The following BANF2 variants were observed in gnomAD, a reference collection of about 807,000 sequenced individuals.
BANF2 encodes barrier-to-autointegration factor-like protein.
In BANF2, 4 loss-of-function variants were observed where a neutral mutation model predicts 8.0. The ratio of observed to expected loss-of-function variants is 0.50; its 90% CI spans 0.25 to 1.14. The LOEUF (loss-of-function observed/expected upper bound fraction) is 1.14, where lower values mean the gene tolerates loss of function less well. Ranked by LOEUF, BANF2 falls within the 50% of genes most tolerant of loss-of-function variation. The pLI, the probability that BANF2 is intolerant of heterozygous loss-of-function variation, is 0.16. For synonymous variants in BANF2, 50 were observed against 40.6 expected, an observed-to-expected ratio of 1.23 and a Z score of -0.88; for missense variants, 96 against 107.5, an observed-to-expected ratio of 0.89 and a Z score of 0.47.
At chr20:17,731,650 G>A (rs2037895371) in intron 3 of BANF2, 1 of 151,552 alleles carries the variant, frequency 6.6e-6, no homozygotes, top group Non-Finnish European at 1.5e-5. Context: ...CAGCTACTCG[G>A]GAGGCTGAGG....
upstream of BANF2, among the ~76,000 whole-genome samples, chr20:17,697,709 G>T (rs145807544): frequency 6.6e-6 from 1 of 152,162 alleles, no homozygotes; most frequent in Admixed American, 6.6e-5. Context: ...ACAATGTGGG[G>T]TATGTTAGCA....
chr20:17,729,430 C>T (rs867403426), intron 3 of BANF2, among the ~76,000 whole-genome samples: 8 of 152,280 alleles, frequency 5.3e-5, no homozygotes, highest in Middle Eastern at 3.4e-3. Flanking sequence ...CCCCATGTTG[C>T]GACATCTGAC....
At chr20:17,715,580 C>T (rs553202093) in intron 1 of BANF2, among the ~76,000 whole-genome samples, 14 of 152,322 alleles carry the variant, frequency 9.2e-5, no homozygotes, top group South Asian at 6.2e-4. Flanking sequence ...TTTTGAACAA[C>T]GAGCATTAGT....
At chr20:17,723,671 C>A (rs185071409) in intron 2 of BANF2, among the ~76,000 whole-genome samples, 2 of 152,160 alleles carry the variant, frequency 1.3e-5, no homozygotes, top group African/African-American at 4.8e-5. Flanking sequence ...GACATTCAAG[C>A]GGACAGCAGC....
At chr20:17,700,560 C>A (rs925053884) in intron 1 of BANF2, among the ~76,000 whole-genome samples, 5 of 152,202 alleles carry the variant, frequency 3.3e-5, no homozygotes, top group Non-Finnish European at 7.3e-5. Context: ...TTTAAATCCA[C>A]CTCCTGGTGA....
intron 1 of BANF2, among the ~76,000 whole-genome samples, chr20:17,693,897 A>ACG (rs750936891): frequency 2.6e-5 from 4 of 152,342 alleles, no homozygotes; most frequent in South Asian, 4.1e-4. Flanking sequence ...TCTTCACACC[A>ACG]CGGTGGCTGA....
upstream of BANF2, among the ~76,000 whole-genome samples, chr20:17,698,358 G>A (rs1190455556): frequency 6.6e-6 from 1 of 152,164 alleles, no homozygotes; most frequent in Non-Finnish European, 1.5e-5. Flanking sequence ...GCAGGTGCTG[G>A]CACCGTGCTT....
At chr20:17,725,204 C>G (rs2296907) in intron 3 of BANF2, 53 bp downstream of exon 3, 4 of 1,558,210 alleles carry the variant, frequency 2.6e-6, no homozygotes, top group South Asian at 2.3e-5. Flanking sequence ...TTTCTTCCCC[C>G]AGTCCTGCCA....
At chr20:17,726,313 G>A (rs930881935) in intron 3 of BANF2, among the ~76,000 whole-genome samples, 4 of 152,040 alleles carry the variant, frequency 2.6e-5, no homozygotes, top group African/African-American at 9.7e-5. Flanking sequence ...ACCCTCCCAT[G>A]TAGCTGGGAC....
intron 3 of BANF2, among the ~76,000 whole-genome samples, chr20:17,726,341 A>G (rs560935156): frequency 6.6e-6 from 1 of 152,014 alleles, no homozygotes; most frequent in South Asian, 2.1e-4. Context: ...GTGTGCCACC[A>G]TGCCTGGTTA....
At chr20:17,724,429 C>A (rs966779293) in intron 2 of BANF2, among the ~76,000 whole-genome samples, 11 of 152,174 alleles carry the variant, frequency 7.2e-5, no homozygotes, top group Admixed American at 2.0e-4. Flanking sequence ...GCAGCCCTTT[C>A]ACCACCATGA....
intron 1 of BANF2, among the ~76,000 whole-genome samples, chr20:17,717,241 A>G (rs1451476997): frequency 1.3e-5 from 2 of 152,076 alleles, no homozygotes; most frequent in East Asian, 1.9e-4. Context: ...CAGGCATCCA[A>G]GGAACAACCC....
chr20:17,724,400 G>A (rs564720131), intron 2 of BANF2, among the ~76,000 whole-genome samples: 24 of 152,314 alleles, frequency 1.6e-4, no homozygotes, highest in Non-Finnish European at 2.9e-4. Context: ...TGGAGTTGGT[G>A]AGGCCAAAGA....
chr20:17,715,078 C>A (rs1232930831), intron 1 of BANF2, among the ~76,000 whole-genome samples: 1 of 152,110 alleles, frequency 6.6e-6, no homozygotes, highest in Non-Finnish European at 1.5e-5. Flanking sequence ...AGGTGACAGG[C>A]CCAATGTCGC....
intron 1 of BANF2, among the ~76,000 whole-genome samples, chr20:17,718,918 T>C (rs1016678527): frequency 1.3e-5 from 2 of 152,206 alleles, no homozygotes; most frequent in Non-Finnish European, 2.9e-5. Context: ...CACCCTGTAA[T>C]ACAAGAACTT....
intron 1 of BANF2, among the ~76,000 whole-genome samples, chr20:17,714,206 AAAAAAAAAG>A (rs1484816932): frequency 3.4e-5 from 5 of 148,438 alleles, no homozygotes; most frequent in Non-Finnish European, 6.0e-5. Flanking sequence ...TCAAAAAAAA[AAAAAAAAAG>A]AAAGAAAGAA....
At chr20:17,730,503 G>T (rs2037878776) in intron 3 of BANF2, among the ~76,000 whole-genome samples, 2 of 152,068 alleles carry the variant, frequency 1.3e-5, no homozygotes, top group African/African-American at 4.8e-5. Context: ...CCTCCTTACT[G>T]CAAGGTTCTG....
At chr20:17,700,789 CCTT>C (rs1380484833) in intron 1 of BANF2, among the ~76,000 whole-genome samples, 1 of 152,178 alleles carries the variant, frequency 6.6e-6, no homozygotes, top group Non-Finnish European at 1.5e-5. Context: ...AGACTCAAGG[CCTT>C]CTATAACAAA....
chr20:17,701,633 G>A (rs2037410338), intron 1 of BANF2, among the ~76,000 whole-genome samples: 1 of 152,172 alleles, frequency 6.6e-6, no homozygotes, highest in East Asian at 1.9e-4. Context: ...AAGATTGTAG[G>A]TTTCTGGGTG....
Sources: gnomAD v4.1 joint callset for allele counts (sites outside exome capture counted in the v4.1 genomes callset) on GRCh38, gnomAD v4.1.1 for gene constraint, MANE v1.5 for transcripts, NCBI Gene and HGNC (gene_info 2026-07-23, HGNC 2026-07-21) for gene names.